The following PDE7B variants were observed in gnomAD, a reference collection of about 807,000 sequenced individuals.
PDE7B encodes 3',5'-cyclic-AMP phosphodiesterase 7B.
In PDE7B, 29 loss-of-function variants were observed where a neutral mutation model predicts 56.2. The ratio of observed to expected loss-of-function variants is 0.52; its 90% confidence interval spans 0.38 to 0.70. The LOEUF (loss-of-function observed/expected upper bound fraction) is 0.70. PDE7B is among the 30% of genes least tolerant of loss of function. The pLI is 0.00. For missense variants in PDE7B, 490 were observed against 565.0 expected (o/e 0.87, Z 1.35); for synonymous variants, 197 against 196.9 (o/e 1.00, Z 0.00).
chr6:135,882,664 C>T (rs547026345), intron 1 of PDE7B, among the ~76,000 whole-genome samples: 123 of 152,278 alleles, frequency 8.1e-4, no homozygotes, highest in Admixed American at 2.3e-3. Context: ...ATGATAGTGT[C>T]TATGCAGTTT....
chr6:136,158,652 C>T (rs1235096609), intron 8 of PDE7B, among the ~76,000 whole-genome samples: 1 of 152,152 alleles, frequency 6.6e-6, no homozygotes, highest in Non-Finnish European at 1.5e-5. Flanking sequence ...TCAGAGGGCT[C>T]CCTCCCATGG....
chr6:136,151,075 T>C lies in PDE7B; in HGVS notation c.383-85T>C, dbSNP rs558530664. The C allele has an allele frequency of 5.3e-4, 386 of 722,990 alleles. 3 individuals are homozygous for C. In the African/African-American group the frequency reaches 5.8e-3, roughly 11 times the overall value. 44.8% of individuals were successfully genotyped at this position (722,990 alleles called of 1,614,324 possible). A position where few individuals can be genotyped will look rare whatever the true frequency, so the allele number is the denominator to read the frequency against. ...AAAATATTCTATCACAGAAACTTTA[T>C]TACAGAGACTTTAGGTCTTATTGTC... On this transcript the variant is annotated intron_variant, in intron 5 of 12. Transcript: ENST00000308191.
intron 1 of PDE7B, among the ~76,000 whole-genome samples, chr6:135,879,364 C>A (rs1407519028): frequency 6.6e-6 from 1 of 151,924 alleles, no homozygotes; most frequent in Non-Finnish European, 1.5e-5. Context: ...AGAAAAACTC[C>A]AACCAGTCAA....
chr6:136,117,849 C>G (rs1777866551), intron 3 of PDE7B, among the ~76,000 whole-genome samples: 1 of 152,188 alleles, frequency 6.6e-6, no homozygotes, highest in Non-Finnish European at 1.5e-5. Context: ...GGCTGCCTCT[C>G]TGCCTCTTCT....
intron 8 of PDE7B, among the ~76,000 whole-genome samples, chr6:136,170,521 C>T (rs149480102): frequency 5.9e-5 from 9 of 152,160 alleles, no homozygotes; most frequent in Non-Finnish European, 1.0e-4. Context: ...TGTGGCTACT[C>T]TAGGTACCTC....
At chr6:135,915,090 T>TAA (rs35760757) in intron 1 of PDE7B, among the ~76,000 whole-genome samples, 14 of 142,578 alleles carry the variant, frequency 9.8e-5, no homozygotes, top group African/African-American at 3.3e-4. Flanking sequence ...GAGACTCCAT[T>TAA]AAAAAAAAAA....
chr6:136,165,616 A>T (rs1193605036), intron 8 of PDE7B: 1 of 152,204 alleles, frequency 6.6e-6, no homozygotes, highest in Non-Finnish European at 1.5e-5. Context: ...ATCTCTTGGT[A>T]GGGCACTTGT....
chr6:136,038,487 G>A (rs1471468744), intron 2 of PDE7B: 2 of 1,289,686 alleles, frequency 1.6e-6, no homozygotes, highest in Admixed American at 4.6e-5. Context: ...ACCAAACAGA[G>A]AGGCATTCTG....
chr6:136,177,417 G>A (rs1649781808), intron 9 of PDE7B, among the ~76,000 whole-genome samples: 1 of 152,038 alleles, frequency 6.6e-6, no homozygotes, highest in East Asian at 1.9e-4. Flanking sequence ...AGCTGACAAA[G>A]GACCAGTATT....
chr6:136,007,273 T>C (rs543710977), intron 2 of PDE7B, among the ~76,000 whole-genome samples: 1 of 152,320 alleles, frequency 6.6e-6, no homozygotes, highest in Admixed American at 6.5e-5. Flanking sequence ...TTGATTATGA[T>C]GGATTAGCCT....
At chr6:136,087,299 G>A (rs1459740351) in intron 2 of PDE7B, among the ~76,000 whole-genome samples, 1 of 152,054 alleles carries the variant, frequency 6.6e-6, no homozygotes, top group Non-Finnish European at 1.5e-5. Context: ...CTCTCTATCT[G>A]GGAACCAGAA....
At chr6:136,098,987 C>T (rs1777517271) in intron 2 of PDE7B, among the ~76,000 whole-genome samples, 1 of 139,126 alleles carries the variant, frequency 7.2e-6, no homozygotes, top group Non-Finnish European at 1.5e-5. Context: ...CATGTGTTCT[C>T]ATCATTTAAC....
chr6:136,111,486 T>C (rs1777747085), intron 3 of PDE7B, among the ~76,000 whole-genome samples: 1 of 152,182 alleles, frequency 6.6e-6, no homozygotes, highest in Admixed American at 6.5e-5. Flanking sequence ...CTAGAACAGA[T>C]AACATTACTG....
chr6:135,995,690 G>C (rs1049695348), intron 2 of PDE7B, among the ~76,000 whole-genome samples: 10 of 152,186 alleles, frequency 6.6e-5, no homozygotes, highest in African/African-American at 2.4e-4. Flanking sequence ...ATTAGTCTGA[G>C]AGACGTTCTT....
intron 2 of PDE7B, among the ~76,000 whole-genome samples, chr6:136,088,286 G>A (rs1007533007): frequency 1.6e-4 from 24 of 152,324 alleles, no homozygotes; most frequent in African/African-American, 5.1e-4. Context: ...GGCAGAGAAA[G>A]AGAAGAGGCA....
intron 8 of PDE7B, among the ~76,000 whole-genome samples, chr6:136,160,226 C>T (rs979724438): frequency 1.3e-5 from 2 of 152,032 alleles, no homozygotes; most frequent in African/African-American, 2.4e-5. Context: ...ATTACTGAAC[C>T]GATACTTCTT....
chr6:136,121,946 T>C (rs2128443461), intron 3 of PDE7B, among the ~76,000 whole-genome samples: 1 of 152,254 alleles, frequency 6.6e-6, no homozygotes, highest in African/African-American at 2.4e-5. Flanking sequence ...CCTTACTAAA[T>C]GTTAAGGGTT....
chr6:136,076,092 G>A (rs1562487031), intron 2 of PDE7B, among the ~76,000 whole-genome samples: 1 of 152,172 alleles, frequency 6.6e-6, no homozygotes, highest in Non-Finnish European at 1.5e-5. Context: ...ATGGGAGGAT[G>A]GAAAGTGGAT....
chr6:136,138,153 C>A (rs1241834377), intron 3 of PDE7B, among the ~76,000 whole-genome samples: 3 of 151,976 alleles, frequency 2.0e-5, no homozygotes, highest in African/African-American at 7.2e-5. Context: ...TTAACATTCC[C>A]CAGATTTTTA....
Sources: gnomAD v4.1 joint callset for allele counts (sites outside exome capture counted in the v4.1 genomes callset) on GRCh38, gnomAD v4.1.1 for gene constraint, MANE v1.5 for transcripts, NCBI Gene and HGNC (gene_info 2026-07-23, HGNC 2026-07-21) for gene names.